The following NFASC variants were observed in gnomAD, a reference collection of about 807,000 sequenced individuals.
NFASC encodes the protein neurofascin homolog.
In NFASC, 43 loss-of-function variants were observed where a neutral mutation model predicts 147.5. That is an observed-to-expected ratio of 0.29 (90% confidence interval 0.23 to 0.38). NFASC has a LOEUF of 0.38. Among genes scored for constraint, NFASC ranks in the 10% least tolerant of loss-of-function variants. The pLI, the probability that NFASC is intolerant of heterozygous loss-of-function variation, is 1.00. For missense variants in NFASC, 1,320 were observed against 1,689.0 expected (o/e 0.78, Z 3.83); for synonymous variants, 622 against 665.5 (o/e 0.93, Z 1.01).
chr1:204,870,621 T>C, intron 1 of NFASC: 1 of 990,558 alleles, frequency 1.0e-6, no homozygotes, highest in Non-Finnish European at 1.2e-6. Context: ...GCCTGGCTTG[T>C]GTCATGGGCC....
rs1450873607 is a variant in NFASC, at chr1:205,018,782, C to T, written c.*2243C>T. 3 of 152,460 alleles carry T rather than the reference C, an allele frequency of 2.0e-5. No homozygotes were observed. Among genetic ancestry groups the T allele is most frequent in the Admixed American group, 2.0e-4 (3 of 15,286 alleles). 9.4% of individuals were successfully genotyped at this position (152,460 alleles called of 1,614,324 possible). ...CAGTTTCTCAGACACTCATTCCATA[C>T]TGCACCGTACATGCCAGCGTACCCA... On this transcript the variant is annotated 3_prime_UTR_variant, in exon 30 of 30. Coordinates refer to ENST00000339876, the MANE Select transcript of NFASC (RefSeq NM_001005388.3).
chr1:204,969,077 G>T (rs755855206), intron 10 of NFASC, 95 bp downstream of exon 10: 38 of 1,143,946 alleles, frequency 3.3e-5, no homozygotes, highest in Non-Finnish European at 4.5e-5. Context: ...AGAGTGAGTC[G>T]GAGAGACTTC....
chr1:204,869,855 T>C (rs2077444101), intron 1 of NFASC, among the ~76,000 whole-genome samples: 1 of 152,242 alleles, frequency 6.6e-6, no homozygotes, highest in African/African-American at 2.4e-5. Flanking sequence ...TTAGGTTGTT[T>C]CTAACTTTTT....
At chr1:204,917,801 G>C (rs2089603354) in intron 1 of NFASC, among the ~76,000 whole-genome samples, 1 of 152,042 alleles carries the variant, frequency 6.6e-6, no homozygotes, top group Admixed American at 6.6e-5. Flanking sequence ...TTGTATGTTT[G>C]CTGCATCAAA....
At position 204,973,268 on chromosome 1, in the gene NFASC, G is replaced by A. The variant is rs1335147917; in HGVS notation, c.1136-8G>A. On this transcript the variant is annotated splice_polypyrimidine_tract_variant and splice_region_variant and intron_variant, in intron 11 of 29. Coordinates refer to ENST00000339876, the MANE Select transcript of NFASC (RefSeq NM_001005388.3). The stretch of plus-strand genomic sequence containing the variant: ...CTCTCATGAGGAGCGTCTCTTTCTT[G>A]TCTGTAGCGGCACCACCTAACCCAA... 1.6e-5 allele frequency: 26 copies of A among 1,613,830 alleles called. No individual in the cohort carries two copies. The highest frequency in any genetic ancestry group is 2.0e-5 in the Non-Finnish European group (24 of 1,179,986).
Position 205,016,986 on chromosome 1 carries a change from A to G in NFASC, c.*447A>G, listed in dbSNP as rs1013437102. 1 of 296,132 alleles carries G rather than the reference A, an allele frequency of 3.4e-6. No homozygotes were observed. Among genetic ancestry groups the G allele is most frequent in the South Asian group, 3.3e-5 (1 of 30,178 alleles). 18.3% of individuals were successfully genotyped at this position (296,132 alleles called of 1,614,324 possible). ...AAAAAGAGTCCCTGGAAAAGAAAGA[A>G]TAAGTGGATTCTCCCCCAGGAGAAT... On this transcript the variant is annotated 3_prime_UTR_variant, in exon 30 of 30. Coordinates refer to ENST00000339876, the MANE Select transcript of NFASC (RefSeq NM_001005388.3). This position sits in a 1 kb window ranked among gnomAD's most constrained non-coding sequence, Gnocchi z 5.1.
intron 28 of NFASC, 41 bp downstream of exon 28, chr1:205,009,729 G>A (rs777706335): frequency 3.4e-5 from 55 of 1,598,032 alleles, no homozygotes; most frequent in Middle Eastern, 3.4e-4. Flanking sequence ...GGTGGGGCAC[G>A]TCCACTTTCC....
intron 2 of NFASC, among the ~76,000 whole-genome samples, chr1:204,943,760 G>A (rs2093528615): frequency 6.6e-6 from 1 of 152,222 alleles, no homozygotes; most frequent in African/African-American, 2.4e-5. Flanking sequence ...GTGGTTCAGA[G>A]AGGCTGTGAG....
chr1:204,964,129 C>T (rs562197181), intron 8 of NFASC, among the ~76,000 whole-genome samples: 5 of 152,208 alleles, frequency 3.3e-5, no homozygotes, highest in East Asian at 1.9e-4. Flanking sequence ...ATCCAGGGTC[C>T]GGGACATACC....
At chr1:204,868,578 G>A (rs2077308549) in intron 1 of NFASC, among the ~76,000 whole-genome samples, 3 of 152,198 alleles carry the variant, frequency 2.0e-5, no homozygotes. Context: ...TTCCCTATCG[G>A]CATTAGGCTC....
chr1:204,907,731 C>T (rs2086314217), intron 1 of NFASC, among the ~76,000 whole-genome samples: 1 of 152,172 alleles, frequency 6.6e-6, no homozygotes. Flanking sequence ...TCCAGTTATA[C>T]TAAAATAAGT....
Position 205,016,787 on chromosome 1 carries a change from G to C in NFASC, c.*248G>C, listed in dbSNP as rs565603846. The C allele has an allele frequency of 3.5e-6, 2 of 574,392 alleles. No homozygotes were observed. The highest frequency in any genetic ancestry group is 3.6e-5 in the South Asian group (2 of 55,854). 35.6% of individuals were successfully genotyped at this position (574,392 alleles called of 1,614,324 possible). The stretch of plus-strand genomic sequence containing the variant: ...AGCCGTGGCTGAGCTCAGCTGGAGG[G>C]AGCCTGGCCCCTTGCCCGGTCTCGC... On this transcript the variant is annotated 3_prime_UTR_variant, in exon 30 of 30. Coordinates refer to ENST00000339876, the MANE Select transcript of NFASC (RefSeq NM_001005388.3). This position sits in a 1 kb window ranked among gnomAD's most constrained non-coding sequence, Gnocchi z 5.1.
intron 24 of NFASC, among the ~76,000 whole-genome samples, chr1:204,995,640 G>A (rs1269994636): frequency 6.6e-6 from 1 of 151,996 alleles, no homozygotes; most frequent in Non-Finnish European, 1.5e-5. Context: ...CAGCACCCTC[G>A]GGGCACAGTA....
chr1:204,916,913 G>T (rs2089417919), intron 1 of NFASC, among the ~76,000 whole-genome samples: 2 of 152,012 alleles, frequency 1.3e-5, no homozygotes, highest in Non-Finnish European at 2.9e-5. Context: ...GGTGTAAAAT[G>T]GGGATAATAA....
chr1:204,906,713 C>G (rs1194617196), intron 1 of NFASC, among the ~76,000 whole-genome samples: 1 of 149,964 alleles, frequency 6.7e-6, no homozygotes, highest in Non-Finnish European at 1.5e-5. Flanking sequence ...GATGGAGTCT[C>G]GCTCTGTTGC....
chr1:204,905,639 C>T (rs1299197419), intron 1 of NFASC, among the ~76,000 whole-genome samples: 2 of 152,062 alleles, frequency 1.3e-5, no homozygotes, highest in East Asian at 3.9e-4. Flanking sequence ...ATTTTGACTT[C>T]TATGTAATAT....
In NFASC at chr1:204,944,325, C is replaced by A; in HGVS notation, c.10C>A (p.Gln4Lys). The change falls in exon 3 of 30, where the codon CAG (glutamine) becomes AAG (lysine). Residue 4 changes from glutamine to lysine, a missense_variant. By Grantham distance (53) the Gln-to-Lys change is moderately conservative (BLOSUM62 1). Around this residue, in one of 3 missense-constraint regions of NFASC, gnomAD observed 981 missense variants for 1,289.5 expected, o/e 0.76. Transcript: ENST00000339876. ...GGGCCAGGTGCCGAGGATGGCCAGG[C>A]AGCCACCGCCGCCCTGGGTCCATGC... Reference protein sequence around the residue: MARQPPPPWVHAAF... With the variant: MARKPPPPWVHAAF... The A allele has an allele frequency of 1.2e-6, 2 of 1,613,572 alleles. No individual in the cohort carries two copies. Among genetic ancestry groups the A allele is most frequent in the Non-Finnish European group, 1.7e-6 (2 of 1,179,856 alleles).
chr1:204,948,445 C>A (rs1391979140), intron 3 of NFASC, among the ~76,000 whole-genome samples: 1 of 152,184 alleles, frequency 6.6e-6, no homozygotes. Flanking sequence ...AGCATCCAAC[C>A]AACTCTTGCT....
intron 2 of NFASC, among the ~76,000 whole-genome samples, chr1:204,936,955 G>A (rs1481964716): frequency 6.6e-6 from 1 of 152,204 alleles, no homozygotes; most frequent in Non-Finnish European, 1.5e-5. Context: ...CTTGCATGGG[G>A]CAATGTGATT....
Sources: allele counts gnomAD v4.1 joint callset (sites outside exome capture counted in the v4.1 genomes callset), GRCh38; gene constraint gnomAD v4.1.1; regional missense constraint gnomAD v4.1.1; non-coding constraint Gnocchi (gnomAD v3.1); transcripts MANE v1.5; gene names NCBI Gene and HGNC (gene_info 2026-07-23, HGNC 2026-07-21).